Variants in CD5L observed in about 807,000 individuals in gnomAD.
CD5L encodes the protein CD5 antigen-like.
A neutral mutation model predicts 40.8 loss-of-function variants in CD5L; 39 were observed. The ratio of observed to expected loss-of-function variants is 0.96; its 90% CI spans 0.74 to 1.25. The LOEUF (loss-of-function observed/expected upper bound fraction) is 1.25, where lower values mean the gene tolerates loss of function less well. Among genes scored for constraint, CD5L ranks in the 50% most tolerant of loss-of-function variants. The pLI is 0.00. For missense variants in CD5L, 433 were observed against 435.9 expected (o/e 0.99, Z 0.06); for synonymous variants, 192 against 169.6 (o/e 1.13, Z -1.03).
chr1:157,839,465 A>G, intron 1 of CD5L, 55 bp from the exon 2 acceptor site: 8 of 1,587,812 alleles, frequency 5.0e-6, no homozygotes, highest in Non-Finnish European at 6.9e-6. Flanking sequence ...TTATTCAAAG[A>G]ACACAACTCT....
At chr1:157,830,777 G>C (rs1377957232), downstream of CD5L, 1 of 200,162 alleles carries the variant, frequency 5.0e-6, no homozygotes, top group Non-Finnish European at 8.9e-6. Flanking sequence ...TGCACACCCA[G>C]AGGACAGCTT....
In CD5L at chr1:157,834,667, A is replaced by G; in HGVS notation, c.458T>C (p.Val153Ala). ...GPGHCKGRVE[V>A]KHQNQWYTVC... ...GGTATACCACTGGTTCTGGTGCTTC[A>G]CTTCCACGCGTCCCTTGCAATGCCC... The change falls in exon 4 of 6, where the codon GTG (valine) becomes GCG (alanine). Residue 153 changes from valine to alanine, a missense_variant. Transcript: ENST00000368174. The G allele has an allele frequency of 6.2e-7, 1 of 1,614,136 alleles. No individual in the cohort carries two copies. The highest frequency in any genetic ancestry group is 2.2e-5 in the East Asian group (1 of 44,884).
rs751196751 is a variant in CD5L at position 157,836,125 on chromosome 1, C to A, written c.86G>T (p.Gly29Val). ...CACCCGCCCTTCACAGCGGTGGAGG[C>A]CCCCCACCAGCCGCACTCCAGATGG... ...ASPSGVRLVG[G>V]LHRCEGRVEV... The change falls in exon 3 of 6, where the codon GGC becomes GTC. Residue 29 changes from glycine to valine, a missense_variant. Transcript: ENST00000368174. 1 of 1,612,854 alleles carries A rather than the reference C, an allele frequency of 6.2e-7. No individual in the cohort carries two copies. Among genetic ancestry groups the A allele is most frequent in the Admixed American group, 1.7e-5 (1 of 60,000 alleles).
intron 2 of CD5L, 103 bp from the exon 3 acceptor site, chr1:157,836,258 AG>A: frequency 1.1e-6 from 1 of 935,228 alleles, no homozygotes; most frequent in Non-Finnish European, 1.6e-6. Flanking sequence ...CAAATGGTGC[AG>A]AGTGTTGGGG....
In CD5L at chr1:157,835,729, C is replaced by T. The variant is rs935824723; in HGVS notation, c.376+106G>A. On this transcript the variant is annotated intron_variant, in intron 3 of 5. Coordinates refer to ENST00000368174, the MANE Select transcript of CD5L (RefSeq NM_005894.3). ...GTATGAGATGTGGGGGGTGAGGGGC[C>T]AATTAGCCATTGTGTGAACGTCTAT... The T allele has an allele frequency of 4.5e-6, 4 of 890,144 alleles. No individual in the cohort carries two copies. The African/African-American group carries it at 6.7e-5, about 15-fold the overall frequency. 55.1% of individuals were successfully genotyped at this position (890,144 alleles called of 1,614,324 possible). A position where few individuals can be genotyped will look rare whatever the true frequency, so the allele number is the denominator to read the frequency against.
intron 1 of CD5L, among the ~76,000 whole-genome samples, chr1:157,841,066 C>T (rs765307364): frequency 6.6e-6 from 1 of 152,038 alleles, no homozygotes; most frequent in Non-Finnish European, 1.5e-5. Context: ...CTCTGAGGAA[C>T]ATAATATTAT....
rs1247451348 is a variant in CD5L, at chr1:157,831,504, TCTAC to T, written c.*456_*459del. On this transcript the variant is annotated 3_prime_UTR_variant, in exon 6 of 6. Coordinates refer to ENST00000368174, the MANE Select transcript of CD5L (RefSeq NM_005894.3). Reference sequence around the variant, plus strand: ...CTTTCCCCCAAGTTGCAAGAAATTGTCTACCCACATTTTCTTTCAAATGTTCCTT... The same window carrying T: ...CTTTCCCCCAAGTTGCAAGAAATTGTCCACATTTTCTTTCAAATGTTCCTT... The T allele has an allele frequency of 1.0e-6, 1 of 987,448 alleles. No homozygotes were observed. Among genetic ancestry groups the T allele is most frequent in the Non-Finnish European group, 1.2e-6 (1 of 831,478 alleles). 61.2% of individuals were successfully genotyped at this position (987,448 alleles called of 1,614,324 possible).
At chr1:157,840,982 T>C (rs1656355357) in intron 1 of CD5L, among the ~76,000 whole-genome samples, 1 of 152,216 alleles carries the variant, frequency 6.6e-6, no homozygotes, top group Non-Finnish European at 1.5e-5. Flanking sequence ...TGTGATTGAT[T>C]AGCATAGGGA....
intron 2 of CD5L, among the ~76,000 whole-genome samples, chr1:157,836,683 A>C (rs1656224829): frequency 6.6e-6 from 1 of 152,196 alleles, no homozygotes; most frequent in African/African-American, 2.4e-5. Flanking sequence ...ATTGAGGCAG[A>C]GTGTGTACAA....
At position 157,841,660 on chromosome 1, in the gene CD5L, G is replaced by T. The variant is rs781223824; in HGVS notation, c.28+14C>A. ...AACTCTGAAGCCTAAACCAACAGGT[G>T]CAGAGATACTCACCAAGGATCAAGG... On this transcript the variant is annotated intron_variant, in intron 1 of 5. Transcript: ENST00000368174. 2.6e-5 allele frequency: 42 copies of T among 1,612,092 alleles called. No homozygotes were observed. The highest frequency in any genetic ancestry group is 3.4e-5 in the Non-Finnish European group (40 of 1,178,848).
Position 157,834,501 on chromosome 1 carries a change from G to C in CD5L, c.624C>G (p.Cys208Trp), listed in dbSNP as rs745904537. 6.2e-7 allele frequency: 1 copy of C among 1,614,080 alleles called. No individual in the cohort carries two copies. The highest frequency in any genetic ancestry group is 1.1e-5 in the South Asian group (1 of 91,088). Residue 208 changes from cysteine (C) to tryptophan (W), a missense_variant, in exon 4 of 6, where the codon TGC becomes TGG. By Grantham distance (215) the Cys-to-Trp change is radical (BLOSUM62 -2). Coordinates refer to ENST00000368174, the MANE Select transcript of CD5L (RefSeq NM_005894.3). ...RKPIWLSQMS[C>W]SGREATLQDC... The stretch of plus-strand genomic sequence containing the variant: ...CCTGAAGGGTTGCTTCTCGTCCTGA[G>C]CATGACATCTGGCTCAGCCAGATGG...
intron 1 of CD5L, 97 bp from the exon 2 acceptor site, chr1:157,839,507 A>G: frequency 7.8e-7 from 1 of 1,286,324 alleles, no homozygotes; most frequent in Non-Finnish European, 1.1e-6. Context: ...GTGAGACAAG[A>G]GTGGTAGATG....
rs765510501 is a variant in CD5L, at chr1:157,834,660, G to A, written c.465C>T (p.His155=). Residue 155 remains histidine, a synonymous_variant, in exon 4 of 6, where the codon CAC becomes CAT. Transcript: ENST00000368174. The part of the protein sequence containing the change: ...GHCKGRVEVK[H]QNQWYTVCQT... ...GGCACACGGTATACCACTGGTTCTGGTGCTTCACTTCCACGCGTCCCTTGC... is the reference window on the plus strand; with the variant it reads ...GGCACACGGTATACCACTGGTTCTGATGCTTCACTTCCACGCGTCCCTTGC... 6.2e-6 allele frequency: 10 copies of A among 1,614,210 alleles called. No homozygotes were observed. Among genetic ancestry groups the A allele is most frequent in the Non-Finnish European group, 7.6e-6 (9 of 1,180,032 alleles).
At chr1:157,841,606 A>G in intron 1 of CD5L, 68 bp downstream of exon 1, 2 of 1,403,232 alleles carry the variant, frequency 1.4e-6, no homozygotes, top group South Asian at 1.2e-5. Flanking sequence ...GTTGGCGGGG[A>G]GAAAGTTCTC....
At chr1:157,839,256 G>C in intron 2 of CD5L, 128 bp downstream of exon 2, 1 of 877,310 alleles carries the variant, frequency 1.1e-6, no homozygotes, top group Non-Finnish European at 1.9e-6. Context: ...AGTGGGTGAG[G>C]TAGGAAGCCA....
chr1:157,832,017 G>T, intron 5 of CD5L, 49 bp from the exon 6 acceptor site: 1 of 1,409,020 alleles, frequency 7.1e-7, no homozygotes, highest in Non-Finnish European at 9.7e-7. Flanking sequence ...AGTCCAGGAA[G>T]GAATTATTCA....
chr1:157,840,652 G>A (rs1656346640), intron 1 of CD5L, among the ~76,000 whole-genome samples: 1 of 152,160 alleles, frequency 6.6e-6, no homozygotes, highest in Admixed American at 6.5e-5. Context: ...ATGTGTACAT[G>A]TGAAGGAAAG....
chr1:157,831,500 A>T lies in CD5L; in HGVS notation c.*464T>A. On this transcript the variant is annotated 3_prime_UTR_variant, in exon 6 of 6. Coordinates refer to ENST00000368174, the MANE Select transcript of CD5L (RefSeq NM_005894.3). ...TAAACTTTCCCCCAAGTTGCAAGAA[A>T]TTGTCTACCCACATTTTCTTTCAAA... 1 of 987,392 alleles carries T rather than the reference A, an allele frequency of 1.0e-6. No homozygotes were observed. The highest frequency in any genetic ancestry group is 1.2e-6 in the Non-Finnish European group (1 of 831,348). The allele number at this position is 987,392 out of a possible 1,614,324, so 61.2% of individuals were successfully genotyped here. A position where few individuals can be genotyped will look rare whatever the true frequency, so the allele number is the denominator to read the frequency against.
At position 157,834,674 on chromosome 1, in the gene CD5L, C is replaced by T. The variant is rs199701364; in HGVS notation, c.451G>A (p.Val151Met). ...CACTGGTTCTGGTGCTTCACTTCCA[C>T]GCGTCCCTTGCAATGCCCAGGGCCG... The part of the protein sequence containing the change: ...ADGPGHCKGR[V>M]EVKHQNQWYT... Residue 151 changes from valine (V) to methionine (M), a missense_variant, in exon 4 of 6, where the codon GTG becomes ATG. By Grantham distance (21) the Val-to-Met change is conservative (BLOSUM62 1). Transcript: ENST00000368174. 1.1e-5 allele frequency: 18 copies of T among 1,614,076 alleles called. No homozygotes were observed. The highest frequency in any genetic ancestry group is 6.7e-5 in the Admixed American group (4 of 60,004).
Sources: allele counts gnomAD v4.1 joint callset (sites outside exome capture counted in the v4.1 genomes callset), GRCh38; gene constraint gnomAD v4.1.1; transcripts MANE v1.5; gene names NCBI Gene and HGNC (gene_info 2026-07-23, HGNC 2026-07-21).